SCN11A: variants seen among roughly 807,000 people sequenced by gnomAD.
The protein encoded by SCN11A is sodium channel protein type 11 subunit alpha.
SCN11A carries 122 observed loss-of-function variants against 162.2 expected under a neutral mutation model. The observed-to-expected ratio is 0.75, with a 90% confidence interval of 0.65 to 0.87. The LOEUF is 0.87. Ranked by LOEUF, SCN11A falls within the 40% of genes least tolerant of loss-of-function variation. SCN11A has a pLI of 0.00. For synonymous variants in SCN11A, 758 were observed against 751.5 expected (o/e 1.01, Z -0.14); for missense variants, 2,015 against 2,181.6 (o/e 0.92, Z 1.52).
chr3:38,912,681 G>A (rs1053520402), intron 11 of SCN11A, among the ~76,000 whole-genome samples: 3 of 151,860 alleles, frequency 2.0e-5, no homozygotes, highest in South Asian at 2.1e-4. Context: ...TTCTATGTCC[G>A]TGAGTTCTCA....
At chr3:38,976,067 T>C (rs2066847795) in intron 2 of SCN11A, among the ~76,000 whole-genome samples, 1 of 152,098 alleles carries the variant, frequency 6.6e-6, no homozygotes, top group South Asian at 2.1e-4. Flanking sequence ...AGAAAACACA[T>C]AATAAGCATA....
Position 38,847,651 on chromosome 3 carries a change from G to T in SCN11A, c.4419C>A (p.Ile1473=), listed in dbSNP as rs2064697054. Residue 1473 remains isoleucine, a synonymous_variant, in exon 30 of 30, where the codon ATC becomes ATA. Transcript: ENST00000302328. The part of the protein sequence containing the change: ...RIVRLARIGR[I]LRLVRAARGI... The stretch of plus-strand genomic sequence containing the variant: ...CTCGTGCAGCCCGGACAAGCCTCAG[G>T]ATTCGGCCAATCCGAGCCAAGCGGA... 1 of 1,613,938 alleles carries T rather than the reference G, an allele frequency of 6.2e-7. No homozygotes were observed. The highest frequency in any genetic ancestry group is 8.5e-7 in the Non-Finnish European group (1 of 1,179,938).
chr3:38,936,629 A>G (rs1490975436), intron 7 of SCN11A, among the ~76,000 whole-genome samples: 1 of 151,618 alleles, frequency 6.6e-6, no homozygotes, highest in East Asian at 1.9e-4. Flanking sequence ...CAATTGCTTC[A>G]AAGAGAATAA....
intron 2 of SCN11A, among the ~76,000 whole-genome samples, chr3:38,965,200 C>A (rs2066774311): frequency 6.6e-6 from 1 of 152,228 alleles, no homozygotes; most frequent in Admixed American, 6.5e-5. Context: ...GTTTCATGAT[C>A]TTGTTCACTG....
At chr3:39,016,432 A>G (rs1243446547) in intron 2 of SCN11A, among the ~76,000 whole-genome samples, 2 of 152,154 alleles carry the variant, frequency 1.3e-5, no homozygotes, top group Non-Finnish European at 2.9e-5. Flanking sequence ...TCTGATGTTT[A>G]TTCCTTTGTG....
intron 27 of SCN11A, among the ~76,000 whole-genome samples, chr3:38,864,093 T>C (rs1337888604): frequency 5.9e-5 from 9 of 152,078 alleles, no homozygotes; most frequent in Non-Finnish European, 2.9e-5. Context: ...CACAGATGTC[T>C]TTGCAAGAAT....
chr3:38,939,833 G>A (rs1264466787), intron 7 of SCN11A, among the ~76,000 whole-genome samples: 1 of 151,816 alleles, frequency 6.6e-6, no homozygotes, highest in African/African-American at 2.4e-5. Context: ...AACCCGGGAG[G>A]AGGAGGTTGT....
At chr3:38,902,781 T>C (rs1202084459) in intron 16 of SCN11A, among the ~76,000 whole-genome samples, 1 of 151,814 alleles carries the variant, frequency 6.6e-6, no homozygotes, top group Non-Finnish European at 1.5e-5. Context: ...CCTCCCAAAG[T>C]GTTGGGATTA....
intron 28 of SCN11A, among the ~76,000 whole-genome samples, chr3:38,861,150 G>GA: frequency 6.6e-6 from 1 of 151,640 alleles, no homozygotes; most frequent in Non-Finnish European, 1.5e-5. Flanking sequence ...AACAGCTGCA[G>GA]AAAAAAATAA....
At chr3:38,945,740 T>A (rs948410803) in intron 6 of SCN11A, among the ~76,000 whole-genome samples, 3 of 152,228 alleles carry the variant, frequency 2.0e-5, no homozygotes, top group Non-Finnish European at 4.4e-5. Flanking sequence ...TCTACATGTC[T>A]GACTGACTTA....
At position 39,006,967 on chromosome 3, in the gene SCN11A, G is replaced by A. The variant is rs139331058; in HGVS notation, c.-280+25413C>T. On this transcript the variant is annotated intron_variant, in intron 2 of 29. Transcript: ENST00000302328. The stretch of plus-strand genomic sequence containing the variant: ...AATAAACAAGACATAGAAAAAAAGT[G>A]GTGGTGGAGAGAGGATCTGAATAGT... Among the ~76,000 whole-genome samples the A allele has an allele frequency of 4.1e-3, 626 of 152,208 alleles. 9 individuals carry two copies. Among genetic ancestry groups the A allele is most frequent in the African/African-American group, 0.014 (594 of 41,540 alleles).
chr3:38,910,222 C>T lies in SCN11A; in HGVS notation c.960-15G>A, dbSNP rs528652876. 3.8e-5 allele frequency: 60 copies of T among 1,596,406 alleles called. No homozygotes were observed. The South Asian group carries it at 6.7e-4, about 18-fold the overall frequency. On this transcript the variant is annotated splice_polypyrimidine_tract_variant and intron_variant, in intron 11 of 29. Transcript: ENST00000302328. ...TGGAACAGGCACTAGATATTGGAAA[C>T]AAACAGAGAAATAATTATGTACGCC...
At chr3:38,860,466 G>C (rs530724376) in intron 28 of SCN11A, among the ~76,000 whole-genome samples, 17 of 152,190 alleles carry the variant, frequency 1.1e-4, no homozygotes, top group African/African-American at 4.1e-4. Context: ...CAATATTCCT[G>C]ATGACTATAG....
chr3:38,936,376 T>C (rs1575313602), intron 7 of SCN11A, among the ~76,000 whole-genome samples: 2 of 144,438 alleles, frequency 1.4e-5, no homozygotes, highest in African/African-American at 5.2e-5. Flanking sequence ...CCAGGGCAAT[T>C]AGGCAGGAGA....
intron 10 of SCN11A, among the ~76,000 whole-genome samples, chr3:38,920,232 C>T (rs1213596606): frequency 2.0e-5 from 3 of 150,538 alleles, no homozygotes; most frequent in Non-Finnish European, 2.9e-5. Flanking sequence ...GACATCACCA[C>T]CACCACTTTG....
intron 1 of SCN11A, among the ~76,000 whole-genome samples, chr3:39,047,025 A>ACCCCCCCC (rs1251740668): frequency 2.1e-5 from 1 of 47,696 alleles, no homozygotes; most frequent in Admixed American, 2.0e-4. Flanking sequence ...ACAGCCCCCC[A>ACCCCCCCC]CCCCCCACCC....
intron 18 of SCN11A, among the ~76,000 whole-genome samples, chr3:38,895,626 C>G (rs1443408913): frequency 1.3e-5 from 2 of 152,216 alleles, no homozygotes; most frequent in Non-Finnish European, 2.9e-5. Context: ...CTCTCTTCAG[C>G]TCGACAATAG....
At chr3:38,951,765 G>C (rs1220365821) in intron 4 of SCN11A, among the ~76,000 whole-genome samples, 2 of 151,256 alleles carry the variant, frequency 1.3e-5, no homozygotes, top group Non-Finnish European at 3.0e-5. Context: ...GAACCTTTGT[G>C]TCTATACTCT....
intron 26 of SCN11A, 128 bp downstream of exon 26, chr3:38,870,563 G>T: frequency 1.4e-6 from 1 of 716,146 alleles, no homozygotes; most frequent in South Asian, 2.0e-5. Flanking sequence ...ATAGTGTTTT[G>T]TTCCAAAGAA....
Sources: gnomAD v4.1 joint callset for allele counts (sites outside exome capture counted in the v4.1 genomes callset) on GRCh38, gnomAD v4.1.1 for gene constraint, MANE v1.5 for transcripts, NCBI Gene and HGNC (gene_info 2026-07-23, HGNC 2026-07-21) for gene names.